AXDND1: variants seen among roughly 807,000 people sequenced by gnomAD.
AXDND1 encodes axonemal dynein light chain domain-containing protein 1.
AXDND1 carries 110 observed loss-of-function variants against 137.5 expected under a neutral mutation model. The observed-to-expected ratio is 0.80, with a 90% CI of 0.69 to 0.94. The LOEUF (loss-of-function observed/expected upper bound fraction) is 0.94. AXDND1 is among the 40% of genes least tolerant of loss of function. The pLI, the probability that AXDND1 is intolerant of heterozygous loss-of-function variation, is 0.00. For synonymous variants in AXDND1, 414 were observed against 399.7 expected, an observed-to-expected ratio of 1.04 and a Z score of -0.43; for missense variants, 1,191 against 1,169.8, an observed-to-expected ratio of 1.02 and a Z score of -0.26.
intron 11 of AXDND1, among the ~76,000 whole-genome samples, chr1:179,406,435 T>A (rs1652985474): frequency 6.6e-6 from 1 of 152,202 alleles, no homozygotes; most frequent in South Asian, 2.1e-4. Flanking sequence ...AGATGATCTT[T>A]TGAATGCTGA....
intron 16 of AXDND1, among the ~76,000 whole-genome samples, chr1:179,464,702 A>G (rs991321859): frequency 6.6e-6 from 1 of 152,178 alleles, no homozygotes; most frequent in African/African-American, 2.4e-5. Flanking sequence ...TAATATCCTG[A>G]AGAGTGTTTT....
intron 4 of AXDND1, among the ~76,000 whole-genome samples, chr1:179,373,661 G>A (rs1455962941): frequency 6.6e-6 from 1 of 152,052 alleles, no homozygotes; most frequent in East Asian, 1.9e-4. Context: ...AGAGGCCTCC[G>A]AAATAACACC....
intron 20 of AXDND1, among the ~76,000 whole-genome samples, chr1:179,496,920 C>A (rs971026741): frequency 1.3e-5 from 2 of 152,030 alleles, no homozygotes; most frequent in Non-Finnish European, 2.9e-5. Context: ...ATTTAAAATA[C>A]ATTTTAATAT....
Position 179,509,402 on chromosome 1 carries a change from A to G in AXDND1, c.2495A>G (p.Glu832Gly). The change falls in exon 21 of 26, where the codon GAG becomes GGG. Residue 832 changes from glutamate (E) to glycine (G), a missense_variant and splice_region_variant. Coordinates refer to ENST00000367618, the MANE Select transcript of AXDND1 (RefSeq NM_144696.6). ...GAAGAAATAGAGCGGCTACTTGAAGAGGTATTTGCCACATGTTAGCGTTGG... is the reference window on the plus strand; with the variant it reads ...GAAGAAATAGAGCGGCTACTTGAAGGGGTATTTGCCACATGTTAGCGTTGG... Reference protein sequence around the residue: ...TYEEIERLLEEEAVKEFIEPE... With the variant: ...TYEEIERLLEGEAVKEFIEPE... 6.3e-7 allele frequency: 1 copy of G among 1,577,316 alleles called. No individual in the cohort carries two copies. Among genetic ancestry groups the G allele is most frequent in the South Asian group, 1.1e-5 (1 of 89,998 alleles).
chr1:179,482,110 T>A lies in AXDND1; in HGVS notation c.1998-1018T>A, dbSNP rs1381466716. Among the ~76,000 whole-genome samples, 120 of 146,390 alleles carry A rather than the reference T, an allele frequency of 8.2e-4. 1 individual carries two copies. Among genetic ancestry groups the A allele is most frequent in the Non-Finnish European group, 2.3e-4 (15 of 66,564 alleles). On this transcript the variant is annotated intron_variant, in intron 17 of 25. Transcript: ENST00000367618. ...TAGGAGCTTTTTAATTTTTTTTTTT[T>A]TTTTTTTTTTTTTTGCCTTCTTCTA... is the stretch of plus-strand genomic sequence containing the variant.
At chr1:179,421,054 T>G (rs1477767124) in intron 12 of AXDND1, among the ~76,000 whole-genome samples, 1 of 111,198 alleles carries the variant, frequency 9.0e-6, no homozygotes, top group Non-Finnish European at 1.9e-5. Flanking sequence ...CCTTCCTTCC[T>G]TCCTTCCTTC....
chr1:179,376,880 G>C (rs970886839), intron 4 of AXDND1, among the ~76,000 whole-genome samples: 3 of 151,936 alleles, frequency 2.0e-5, no homozygotes, highest in African/African-American at 7.3e-5. Context: ...AATGAATTTT[G>C]GGCACGTTAA....
At position 179,491,745 on chromosome 1, in the gene AXDND1, G is replaced by T. The variant is rs370717544; in HGVS notation, c.2291+8G>T. 2.6e-6 allele frequency: 4 copies of T among 1,527,388 alleles called. No homozygotes were observed. Among genetic ancestry groups the T allele is most frequent in the Admixed American group, 4.4e-5 (2 of 45,692 alleles). 94.6% of individuals were successfully genotyped at this position (1,527,388 alleles called of 1,614,324 possible). ...CTCCAGCTATTTGAGCAGGTGAAGC[G>T]GTTATTTTATTGTTGCCCTTTTGAA... On this transcript the variant is annotated splice_region_variant and intron_variant, in intron 19 of 25. Transcript: ENST00000367618.
intron 16 of AXDND1, among the ~76,000 whole-genome samples, chr1:179,446,824 C>CTT (rs35485197): frequency 5.8e-4 from 84 of 143,962 alleles, no homozygotes; most frequent in African/African-American, 1.7e-3. Flanking sequence ...TGATAGTGTC[C>CTT]TTTTTTTTTT....
Position 179,365,974 on chromosome 1 carries a change from A to C in AXDND1, c.-133A>C, listed in dbSNP as rs1474164005. 1 of 152,870 alleles carries C rather than the reference A, an allele frequency of 6.5e-6. No individual in the cohort carries two copies. The highest frequency in any genetic ancestry group is 6.5e-5 in the Admixed American group (1 of 15,328). The allele number at this position is 152,870 out of a possible 1,614,324, so 9.5% of individuals were successfully genotyped here. ...TGACGACAAACAGGCGTTCCAGCAA[A>C]GGAGGAAGTGAGCGGATGCTGGGCG... On this transcript the variant is annotated 5_prime_UTR_variant, in exon 1 of 26. Transcript: ENST00000367618.
intron 18 of AXDND1, among the ~76,000 whole-genome samples, chr1:179,484,809 C>T (rs1280891455): frequency 6.6e-6 from 1 of 152,232 alleles, no homozygotes; most frequent in Non-Finnish European, 1.5e-5. Context: ...TCACACTCCC[C>T]ACCCCATAAC....
At chr1:179,525,477 C>A in intron 22 of AXDND1, 30 bp downstream of exon 22, 3 of 1,473,534 alleles carry the variant, frequency 2.0e-6, no homozygotes, top group Non-Finnish European at 2.7e-6. Flanking sequence ...GTTTTTCCTC[C>A]TACATACATA....
chr1:179,379,260 A>T lies in AXDND1; in HGVS notation c.496-137A>T, dbSNP rs972986550. ...TCATTTGCTATGACCCACATTGCTA[A>T]TATTGTTATTTCTCCAATCAAAATT... On this transcript the variant is annotated intron_variant, in intron 5 of 25. Coordinates refer to ENST00000367618, the MANE Select transcript of AXDND1 (RefSeq NM_144696.6). The T allele has an allele frequency of 1.8e-5, 15 of 847,758 alleles. No individual in the cohort carries two copies. The South Asian group carries it at 2.5e-4, about 14-fold the overall frequency. The allele number at this position is 847,758 out of a possible 1,614,324, so 52.5% of individuals were successfully genotyped here. A position where few individuals can be genotyped will look rare whatever the true frequency, so the allele number is the denominator to read the frequency against.
chr1:179,527,701 A>G (rs80130244), intron 22 of AXDND1, among the ~76,000 whole-genome samples: 1,607 of 152,300 alleles, frequency 0.011, 33 homozygotes, highest in African/African-American at 0.036. Flanking sequence ...TCTGTAATAG[A>G]GTAATTTCTA....
intron 16 of AXDND1, chr1:179,456,642 C>G: frequency 1.2e-6 from 1 of 849,016 alleles, no homozygotes; most frequent in South Asian, 1.3e-5. Context: ...TCCATCACCA[C>G]CACAGCTGCC....
intron 17 of AXDND1, among the ~76,000 whole-genome samples, chr1:179,469,801 G>A (rs1663695386): frequency 6.6e-6 from 1 of 152,118 alleles, no homozygotes; most frequent in African/African-American, 2.4e-5. Flanking sequence ...TGTTTCACAT[G>A]CTTATTGGCT....
At chr1:179,398,165 T>C (rs571643017) in intron 11 of AXDND1, among the ~76,000 whole-genome samples, 122 of 152,286 alleles carry the variant, frequency 8.0e-4, no homozygotes, top group African/African-American at 2.7e-3. Context: ...GGTGTTTTTT[T>C]CCCCTTTTAT....
At chr1:179,490,799 C>T (rs761261293) in intron 18 of AXDND1, among the ~76,000 whole-genome samples, 1 of 150,376 alleles carries the variant, frequency 6.6e-6, no homozygotes, top group Non-Finnish European at 1.5e-5. Context: ...CCAATCAAAC[C>T]AGTTTCAAAA....
At chr1:179,418,544 C>T (rs1458497201) in intron 12 of AXDND1, among the ~76,000 whole-genome samples, 1 of 152,114 alleles carries the variant, frequency 6.6e-6, no homozygotes, top group Non-Finnish European at 1.5e-5. Context: ...CAGAGGGGCT[C>T]CCCACTTCCC....
Sources: gnomAD v4.1 joint callset for allele counts (sites outside exome capture counted in the v4.1 genomes callset) on GRCh38, gnomAD v4.1.1 for gene constraint, MANE v1.5 for transcripts, NCBI Gene and HGNC (gene_info 2026-07-23, HGNC 2026-07-21) for gene names.